CSNK1A1: variants seen among roughly 807,000 people sequenced by gnomAD.
The protein encoded by CSNK1A1 is casein kinase 1 alpha 1, also known as casein kinase I isoform alpha.
In CSNK1A1, 7 loss-of-function variants were observed where a neutral mutation model predicts 46.1. The observed-to-expected ratio is 0.15, with a 90% CI of 0.09 to 0.29. CSNK1A1 has a LOEUF of 0.29. Ranked by LOEUF, CSNK1A1 falls within the 10% of genes least tolerant of loss-of-function variation. CSNK1A1 has a pLI of 1.00. For synonymous variants in CSNK1A1, 137 were observed against 141.5 expected (o/e 0.97, Z 0.23); for missense variants, 96 against 417.1 (o/e 0.23, Z 6.71).
At chr5:149,528,350 G>C (rs1299033199) in intron 2 of CSNK1A1, among the ~76,000 whole-genome samples, 1 of 152,148 alleles carries the variant, frequency 6.6e-6, no homozygotes, top group Non-Finnish European at 1.5e-5. Flanking sequence ...CTTTTCTATG[G>C]ACTGGTACTA....
chr5:149,504,716 C>A (rs1057285052), intron 9 of CSNK1A1: 5 of 985,282 alleles, frequency 5.1e-6, no homozygotes, highest in Non-Finnish European at 6.0e-6. Flanking sequence ...GACTTCAATT[C>A]CACATTAAAC....
chr5:149,502,695 C>T (rs934214268), intron 9 of CSNK1A1: 3 of 984,540 alleles, frequency 3.0e-6, no homozygotes, highest in Admixed American at 6.2e-5. Context: ...AACAAGAAAA[C>T]CCCAGTAGGA....
intron 2 of CSNK1A1, among the ~76,000 whole-genome samples, chr5:149,538,929 A>T (rs1762146080): frequency 6.6e-6 from 1 of 151,960 alleles, no homozygotes; most frequent in Non-Finnish European, 1.5e-5. Context: ...TCTCAAAAAA[A>T]AAAAAAGAAA....
At chr5:149,497,086 G>C (rs573405174) in intron 9 of CSNK1A1, 2 of 1,327,104 alleles carry the variant, frequency 1.5e-6, no homozygotes, top group Non-Finnish European at 1.9e-6. Flanking sequence ...GAGTGGTACA[G>C]TGAATTCAAA....
rs570278453 is a variant in CSNK1A1 at position 149,525,353 on chromosome 5, C to CT, written c.231-183dup. Among the ~76,000 whole-genome samples the CT allele has an allele frequency of 9.4e-5, 14 of 149,686 alleles. No homozygotes were observed. Among genetic ancestry groups the CT allele is most frequent in the East Asian group, 3.9e-4 (2 of 5,132 alleles). On this transcript the variant is annotated intron_variant, in intron 2 of 9. Transcript: ENST00000377843. The surrounding 1 kb of genome is among the most constrained non-coding windows in gnomAD (Gnocchi z 4.2). ...CAAAGACAAAACAAGGGTAATGAGA[C>CT]TTTTTTTTTTCCCTGTCATGCAACT...
At chr5:149,537,614 A>G (rs1424776173) in intron 2 of CSNK1A1, among the ~76,000 whole-genome samples, 1 of 151,690 alleles carries the variant, frequency 6.6e-6, no homozygotes, top group East Asian at 1.9e-4. Flanking sequence ...AAAGAAAAAA[A>G]ATAACTCTTG....
At chr5:149,516,800 CT>C in intron 4 of CSNK1A1, among the ~76,000 whole-genome samples, 1 of 152,046 alleles carries the variant, frequency 6.6e-6, no homozygotes, top group Non-Finnish European at 1.5e-5. Context: ...TTTCTGAAAC[CT>C]TTTTTAATAG....
At chr5:149,535,516 C>T (rs1762034469) in intron 2 of CSNK1A1, among the ~76,000 whole-genome samples, 1 of 152,278 alleles carries the variant, frequency 6.6e-6, no homozygotes, top group South Asian at 2.1e-4. Flanking sequence ...TGACTTACCT[C>T]CACTCCTTAA....
At position 149,517,474 on chromosome 5, in the gene CSNK1A1, C is replaced by T. The variant is rs536090923; in HGVS notation, c.456+2816G>A. Among the ~76,000 whole-genome samples, 27 of 152,292 alleles carry T rather than the reference C, an allele frequency of 1.8e-4. No individual in the cohort carries two copies. Among genetic ancestry groups the T allele is most frequent in the African/African-American group, 6.5e-4 (27 of 41,562 alleles). On this transcript the variant is annotated intron_variant, in intron 4 of 9. Transcript: ENST00000377843. The surrounding 1 kb of genome is among the most constrained non-coding windows in gnomAD (Gnocchi z 4.4). ...AAATTTTTAAAAACTAACGATCTATCTCAAGTTTACTATTAGGTAAACAAT... is the reference window on the plus strand; with the variant it reads ...AAATTTTTAAAAACTAACGATCTATTTCAAGTTTACTATTAGGTAAACAAT...
intron 8 of CSNK1A1, among the ~76,000 whole-genome samples, chr5:149,506,118 G>A (rs1043364130): frequency 1.3e-5 from 2 of 151,880 alleles, no homozygotes; most frequent in African/African-American, 4.8e-5. Flanking sequence ...GCAGAGACGG[G>A]GTTTCACCAT....
chr5:149,525,743 A>C lies in CSNK1A1; in HGVS notation c.231-572T>G, dbSNP rs763437022. On this transcript the variant is annotated intron_variant, in intron 2 of 9. Transcript: ENST00000377843. The surrounding 1 kb of genome is among the most constrained non-coding windows in gnomAD (Gnocchi z 4.2). ...TTGCTTTTAACTGGAATCATGTTTT[A>C]ATTATCCTGGGCTGTATTACTGTAT... is the stretch of plus-strand genomic sequence containing the variant. Among the ~76,000 whole-genome samples, 13 of 152,230 alleles carry C rather than the reference A, an allele frequency of 8.5e-5. No individual in the cohort carries two copies. Among genetic ancestry groups the C allele is most frequent in the Non-Finnish European group, 1.9e-4 (13 of 68,032 alleles).
intron 6 of CSNK1A1, among the ~76,000 whole-genome samples, chr5:149,510,644 AT>A (rs973320239): frequency 7.6e-4 from 109 of 144,018 alleles, no homozygotes; most frequent in Middle Eastern, 3.6e-3. Context: ...ACACCCTGCT[AT>A]TTTTTTTTTT....
intron 3 of CSNK1A1, among the ~76,000 whole-genome samples, chr5:149,521,457 T>G (rs1761568064): frequency 6.6e-6 from 1 of 151,830 alleles, no homozygotes; most frequent in Non-Finnish European, 1.5e-5. Context: ...GTCAGCTAAT[T>G]TTTAATTTTT....
Position 149,499,495 on chromosome 5 carries a change from C to T in CSNK1A1, c.1007-2635G>A, listed in dbSNP as rs142061102. Among the ~76,000 whole-genome samples, 1,028 of 152,248 alleles carry T rather than the reference C, an allele frequency of 6.8e-3. 11 individuals carry two copies. Among genetic ancestry groups the T allele is most frequent in the African/African-American group, 0.024 (976 of 41,524 alleles). Reference sequence around the variant, plus strand: ...GTATGCTCTGGCCCAGACGAGGTGGCTCACATCTATAATGCTAACACTTTG... The same window carrying T: ...GTATGCTCTGGCCCAGACGAGGTGGTTCACATCTATAATGCTAACACTTTG... On this transcript the variant is annotated intron_variant, in intron 9 of 9. Coordinates refer to ENST00000377843, the MANE Select transcript of CSNK1A1 (RefSeq NM_001892.6).
chr5:149,537,681 AT>A (rs1432208953), intron 2 of CSNK1A1, among the ~76,000 whole-genome samples: 1 of 150,986 alleles, frequency 6.6e-6, no homozygotes, highest in South Asian at 2.1e-4. Flanking sequence ...TGTAACCTGA[AT>A]TTTTTACAAA....
At chr5:149,497,267 T>A in intron 9 of CSNK1A1, 1 of 994,810 alleles carries the variant, frequency 1.0e-6, no homozygotes, top group Non-Finnish European at 1.2e-6. Context: ...ACAAATTATT[T>A]CTGACACAAA....
intron 8 of CSNK1A1, 118 bp from the exon 9 acceptor site, chr5:149,505,713 T>C (rs1308906896): frequency 2.5e-6 from 2 of 789,436 alleles, no homozygotes; most frequent in Non-Finnish European, 4.0e-6. Context: ...TCCTCAAGTG[T>C]GGCAGCTTCT....
At position 149,494,120 on chromosome 5, in the gene CSNK1A1, TTTGA is replaced by T. The variant is rs1242954544; in HGVS notation, c.*2729_*2732del. Reference sequence around the variant, plus strand: ...TGTCTTGGGTTCTAAAGTCCTTTTGTTTGATTATTTTTATTATAATGAAATTAAA... The same window carrying T: ...TGTCTTGGGTTCTAAAGTCCTTTTGTTTATTTTTATTATAATGAAATTAAA... On this transcript the variant is annotated 3_prime_UTR_variant, in exon 10 of 10. Coordinates refer to ENST00000377843, the MANE Select transcript of CSNK1A1 (RefSeq NM_001892.6). 1.7e-4 allele frequency: 26 copies of T among 152,184 alleles called. No homozygotes were observed. Among genetic ancestry groups the T allele is most frequent in the African/African-American group, 2.7e-4 (11 of 41,446 alleles). 9.4% of individuals were successfully genotyped at this position (152,184 alleles called of 1,614,324 possible).
chr5:149,533,975 G>T (rs1453436754), intron 2 of CSNK1A1, among the ~76,000 whole-genome samples: 1 of 152,150 alleles, frequency 6.6e-6, no homozygotes, highest in Non-Finnish European at 1.5e-5. Flanking sequence ...TTTATTTTTG[G>T]CATGAGGAAA....
Sources: gnomAD v4.1 joint callset for allele counts (sites outside exome capture counted in the v4.1 genomes callset) on GRCh38, gnomAD v4.1.1 for gene constraint, Gnocchi (gnomAD v3.1) non-coding constraint, MANE v1.5 for transcripts, NCBI Gene and HGNC (gene_info 2026-07-23, HGNC 2026-07-21) for gene names.